LRRC4C: variants seen among roughly 807,000 people sequenced by gnomAD.
The protein encoded by LRRC4C is leucine rich repeat containing 4C.
In LRRC4C, 5 loss-of-function variants were observed where a neutral mutation model predicts 33.6. That is an observed-to-expected ratio of 0.15 (90% CI 0.08 to 0.31). The LOEUF is 0.31. LRRC4C is among the 10% of genes least tolerant of loss of function. LRRC4C has a pLI of 1.00. For missense variants in LRRC4C, 560 were observed against 796.7 expected, an observed-to-expected ratio of 0.70 and a Z score of 3.58; for synonymous variants, 329 against 302.0, an observed-to-expected ratio of 1.09 and a Z score of -0.93.
intron 3 of LRRC4C, among the ~76,000 whole-genome samples, chr11:40,581,449 C>T (rs1958460667): frequency 6.6e-6 from 1 of 152,178 alleles, no homozygotes; most frequent in Admixed American, 6.5e-5. Flanking sequence ...ATGTTCTTAG[C>T]AGGGTTGCAG....
At chr11:40,483,835 A>G (rs1457367326) in intron 3 of LRRC4C, among the ~76,000 whole-genome samples, 1 of 151,518 alleles carries the variant, frequency 6.6e-6, no homozygotes, top group Non-Finnish European at 1.5e-5. Context: ...ATATATAGTT[A>G]TTTTTGTGAA....
At chr11:40,339,722 C>T (rs1008535799) in intron 3 of LRRC4C, among the ~76,000 whole-genome samples, 7 of 152,046 alleles carry the variant, frequency 4.6e-5, no homozygotes, top group East Asian at 3.8e-4. Context: ...TAATCATAAC[C>T]GTAAAAAGGT....
intron 1 of LRRC4C, among the ~76,000 whole-genome samples, chr11:41,247,458 A>C (rs1308301645): frequency 6.6e-6 from 1 of 152,244 alleles, no homozygotes; most frequent in African/African-American, 2.4e-5. Context: ...TTTATAGTCC[A>C]AGCCCAGTAA....
At chr11:41,119,200 A>G (rs1223637742) in intron 1 of LRRC4C, among the ~76,000 whole-genome samples, 1 of 152,150 alleles carries the variant, frequency 6.6e-6, no homozygotes, top group African/African-American at 2.4e-5. Context: ...TTATATGTTC[A>G]GGCACTGTTT....
chr11:40,297,884 C>A (rs1252160428), intron 4 of LRRC4C, among the ~76,000 whole-genome samples: 1 of 152,140 alleles, frequency 6.6e-6, no homozygotes, highest in African/African-American at 2.4e-5. Context: ...CAGGTTATTT[C>A]ATCTCAGAGG....
At chr11:41,302,972 G>A (rs560536044) in intron 1 of LRRC4C, among the ~76,000 whole-genome samples, 4 of 152,180 alleles carry the variant, frequency 2.6e-5, no homozygotes, top group African/African-American at 9.6e-5. Context: ...GGAGCCTGAG[G>A]CAAAAGCAAA....
At chr11:41,133,465 T>G (rs1484021783) in intron 1 of LRRC4C, among the ~76,000 whole-genome samples, 1 of 149,746 alleles carries the variant, frequency 6.7e-6, no homozygotes, top group Non-Finnish European at 1.5e-5. Context: ...AAACTACATA[T>G]AAAATCCTAA....
At chr11:40,682,778 A>AAATAAATAAATG (rs761497397) in intron 2 of LRRC4C, among the ~76,000 whole-genome samples, 1 of 144,282 alleles carries the variant, frequency 6.9e-6, no homozygotes, top group Non-Finnish European at 1.5e-5. Flanking sequence ...ATAAATAAAT[A>AAATAAATAAATG]AAATAAAGAT....
chr11:40,203,913 T>G (rs889275692), intron 5 of LRRC4C, among the ~76,000 whole-genome samples: 1 of 152,286 alleles, frequency 6.6e-6, no homozygotes, highest in Admixed American at 6.5e-5. Context: ...CTTTAAGATA[T>G]TTTATCTTAT....
intron 2 of LRRC4C, among the ~76,000 whole-genome samples, chr11:40,899,067 G>A (rs1565181927): frequency 1.3e-5 from 2 of 150,392 alleles, no homozygotes; most frequent in Non-Finnish European, 2.9e-5. Flanking sequence ...TATTTAGAAT[G>A]TGCATTTCAG....
chr11:40,127,486 C>T (rs930789246), intron 6 of LRRC4C, among the ~76,000 whole-genome samples: 1 of 151,862 alleles, frequency 6.6e-6, no homozygotes, highest in Non-Finnish European at 1.5e-5. Context: ...AATTGAGGGG[C>T]ACTGCAAGCC....
At chr11:41,162,816 CACT>C (rs2136039120) in intron 1 of LRRC4C, among the ~76,000 whole-genome samples, 1 of 152,292 alleles carries the variant, frequency 6.6e-6, no homozygotes, top group East Asian at 1.9e-4. Flanking sequence ...CATTATTGTA[CACT>C]ACTGTAGACT....
chr11:40,753,067 T>A (rs564173283), intron 2 of LRRC4C, among the ~76,000 whole-genome samples: 1 of 152,164 alleles, frequency 6.6e-6, no homozygotes, highest in African/African-American at 2.4e-5. Context: ...TATTTTATTT[T>A]ATTTTATTTT....
intron 1 of LRRC4C, among the ~76,000 whole-genome samples, chr11:41,132,810 A>G (rs1943077798): frequency 6.6e-6 from 1 of 152,136 alleles, no homozygotes; most frequent in East Asian, 1.9e-4. Context: ...ATTAATAGCT[A>G]TTGACAGTTA....
chr11:40,699,898 CAT>C (rs1232525460), intron 2 of LRRC4C, among the ~76,000 whole-genome samples: 2 of 152,112 alleles, frequency 1.3e-5, no homozygotes, highest in African/African-American at 2.4e-5. Context: ...TACACAAAGA[CAT>C]AGAATTCTTA....
intron 1 of LRRC4C, among the ~76,000 whole-genome samples, chr11:40,985,004 C>G (rs553418426): frequency 1.4e-5 from 2 of 143,710 alleles, no homozygotes; most frequent in African/African-American, 5.1e-5. Flanking sequence ...CAGGTTCAAG[C>G]GATTCTCCTG....
intron 3 of LRRC4C, among the ~76,000 whole-genome samples, chr11:40,414,478 T>G (rs1423517584): frequency 1.3e-5 from 2 of 152,130 alleles, no homozygotes; most frequent in African/African-American, 4.8e-5. Flanking sequence ...AAGTTTAGGC[T>G]TATTAGAAAG....
At chr11:41,407,200 AG>A (rs1262191456) in intron 1 of LRRC4C, among the ~76,000 whole-genome samples, 1 of 152,142 alleles carries the variant, frequency 6.6e-6, no homozygotes, top group African/African-American at 2.4e-5. Context: ...AGGAAACTGA[AG>A]CTCAGAGAAT....
intron 3 of LRRC4C, among the ~76,000 whole-genome samples, chr11:40,413,732 G>T (rs756982985): frequency 2.0e-5 from 3 of 152,088 alleles, no homozygotes; most frequent in Admixed American, 2.0e-4. Flanking sequence ...TTCAAAGCCA[G>T]AAAAGCCCAG....
Sources: allele counts gnomAD v4.1 joint callset (sites outside exome capture counted in the v4.1 genomes callset), GRCh38; gene constraint gnomAD v4.1.1; transcripts MANE v1.5; gene names NCBI Gene and HGNC (gene_info 2026-07-23, HGNC 2026-07-21).